The following LRMDA variants were observed in gnomAD, a reference collection of about 807,000 sequenced individuals.
LRMDA encodes the protein leucine rich melanocyte differentiation associated.
LRMDA carries 18 observed loss-of-function variants against 29.8 expected under a neutral mutation model. The observed-to-expected ratio is 0.60, with a 90% CI of 0.42 to 0.90. The LOEUF is 0.90. LRMDA is among the 40% of genes least tolerant of loss of function. The probability of loss-of-function intolerance (pLI) is 0.00; values close to 1 mark genes in which losing one functional copy is unlikely to be tolerated. For synonymous variants in LRMDA, 125 were observed against 109.4 expected (o/e 1.14, Z -0.89); for missense variants, 273 against 273.9 (o/e 1.00, Z 0.02).
chr10:75,495,983 G>A (rs1329370292), intron 2 of LRMDA, among the ~76,000 whole-genome samples: 1 of 152,172 alleles, frequency 6.6e-6, no homozygotes, highest in Non-Finnish European at 1.5e-5. Context: ...TCTGTCCTTT[G>A]GCAGCAGTGG....
At chr10:75,528,673 C>T (rs1342609843) in intron 2 of LRMDA, among the ~76,000 whole-genome samples, 1 of 152,038 alleles carries the variant, frequency 6.6e-6, no homozygotes, top group East Asian at 1.9e-4. Flanking sequence ...GTTCTCTATT[C>T]TTAAATGTGG....
At chr10:75,448,277 C>T (rs1475236524) in intron 2 of LRMDA, among the ~76,000 whole-genome samples, 1 of 152,234 alleles carries the variant, frequency 6.6e-6, no homozygotes, top group African/African-American at 2.4e-5. Flanking sequence ...ACCCATTTTA[C>T]TGTCCCAGAA....
intron 2 of LRMDA, among the ~76,000 whole-genome samples, chr10:75,977,414 T>C (rs1258972550): frequency 1.3e-5 from 2 of 152,212 alleles, no homozygotes; most frequent in Non-Finnish European, 2.9e-5. Flanking sequence ...CCATGGTGAC[T>C]GTTGGGGGCC....
At chr10:75,602,789 A>G (rs1484923158) in intron 2 of LRMDA, among the ~76,000 whole-genome samples, 1 of 152,208 alleles carries the variant, frequency 6.6e-6, no homozygotes, top group African/African-American at 2.4e-5. Context: ...TTACAACTTT[A>G]TATATTAAAA....
intron 2 of LRMDA, among the ~76,000 whole-genome samples, chr10:75,981,128 T>C (rs374323587): frequency 2.5e-4 from 38 of 152,318 alleles, no homozygotes; most frequent in African/African-American, 8.4e-4. Flanking sequence ...TTCTTAACTT[T>C]TGAAATTTGC....
At chr10:76,018,985 T>G (rs1045032329) in intron 2 of LRMDA, among the ~76,000 whole-genome samples, 1 of 152,218 alleles carries the variant, frequency 6.6e-6, no homozygotes, top group Non-Finnish European at 1.5e-5. Flanking sequence ...GGTTACTGTT[T>G]GCTGGCAAAT....
intron 2 of LRMDA, among the ~76,000 whole-genome samples, chr10:75,554,414 TG>T (rs1239167234): frequency 6.6e-6 from 1 of 152,186 alleles, no homozygotes; most frequent in East Asian, 1.9e-4. Flanking sequence ...TGTACATAGC[TG>T]TGAGATTGAT....
intron 5 of LRMDA, among the ~76,000 whole-genome samples, chr10:76,100,644 G>C (rs1361853396): frequency 2.6e-5 from 4 of 152,140 alleles, no homozygotes; most frequent in Non-Finnish European, 1.5e-5. Flanking sequence ...CTTCTGCAGG[G>C]GTTGAAGTCT....
At chr10:75,839,705 T>TC (rs1844502533) in intron 2 of LRMDA, among the ~76,000 whole-genome samples, 3 of 135,618 alleles carry the variant, frequency 2.2e-5, no homozygotes, top group Admixed American at 7.2e-5. Flanking sequence ...ACTTTCTTTT[T>TC]TTTTTTTTTT....
chr10:76,537,989 A>G (rs1381168730), intron 6 of LRMDA, among the ~76,000 whole-genome samples: 4 of 152,174 alleles, frequency 2.6e-5, no homozygotes, highest in Non-Finnish European at 5.9e-5. Flanking sequence ...AAAGCTCAAG[A>G]TTTCTTTGTA....
chr10:75,825,854 AG>A (rs756869117), intron 2 of LRMDA, among the ~76,000 whole-genome samples: 56 of 152,252 alleles, frequency 3.7e-4, no homozygotes, highest in Admixed American at 1.0e-3. Flanking sequence ...TTGAAGGCGG[AG>A]GTTACCCAGT....
intron 2 of LRMDA, among the ~76,000 whole-genome samples, chr10:76,026,763 T>C (rs745306959): frequency 6.6e-6 from 1 of 152,158 alleles, no homozygotes; most frequent in African/African-American, 2.4e-5. Context: ...TTATAAACTA[T>C]AGTTATAAAG....
chr10:75,785,702 G>A (rs563297580), intron 2 of LRMDA, among the ~76,000 whole-genome samples: 1 of 152,272 alleles, frequency 6.6e-6, no homozygotes, highest in East Asian at 1.9e-4. Context: ...CTGAAACAAG[G>A]TATTTAAGAG....
intron 2 of LRMDA, among the ~76,000 whole-genome samples, chr10:75,675,172 T>C (rs1841944683): frequency 6.6e-6 from 1 of 152,208 alleles, no homozygotes; most frequent in African/African-American, 2.4e-5. Context: ...TTTATGGGCA[T>C]GGCTGATACA....
At chr10:76,282,142 T>C (rs1840214364) in intron 5 of LRMDA, among the ~76,000 whole-genome samples, 1 of 152,228 alleles carries the variant, frequency 6.6e-6, no homozygotes, top group South Asian at 2.1e-4. Context: ...TTCAGGTTTC[T>C]GGAGATATTA....
At chr10:75,959,916 A>G (rs1846733776) in intron 2 of LRMDA, among the ~76,000 whole-genome samples, 2 of 152,322 alleles carry the variant, frequency 1.3e-5, no homozygotes, top group African/African-American at 4.8e-5. Context: ...CTGTGGCAGA[A>G]ATTCTCCTTT....
intron 5 of LRMDA, among the ~76,000 whole-genome samples, chr10:76,212,721 A>G (rs1851658508): frequency 6.6e-6 from 1 of 152,232 alleles, no homozygotes; most frequent in African/African-American, 2.4e-5. Context: ...AAATCTGTGT[A>G]CTACATTGTG....
intron 2 of LRMDA, among the ~76,000 whole-genome samples, chr10:75,448,593 G>T (rs1844421145): frequency 6.6e-6 from 1 of 152,152 alleles, no homozygotes; most frequent in Non-Finnish European, 1.5e-5. Flanking sequence ...GATGGGGGTG[G>T]GCTCTATTAG....
At chr10:75,990,909 G>A (rs977050325) in intron 2 of LRMDA, among the ~76,000 whole-genome samples, 2 of 152,114 alleles carry the variant, frequency 1.3e-5, no homozygotes, top group East Asian at 1.9e-4. Context: ...ATAGTAAGAT[G>A]TGTGGATCTG....
Sources: allele counts gnomAD v4.1 joint callset (sites outside exome capture counted in the v4.1 genomes callset), GRCh38; gene constraint gnomAD v4.1.1; transcripts MANE v1.5; gene names NCBI Gene and HGNC (gene_info 2026-07-23, HGNC 2026-07-21).